Variants in PLCB1 observed in about 807,000 individuals in gnomAD.
PLCB1 encodes 1-phosphatidylinositol 4,5-bisphosphate phosphodiesterase beta-1.
PLCB1 carries 46 observed loss-of-function variants against 161.8 expected under a neutral mutation model. The ratio of observed to expected loss-of-function variants is 0.28; its 90% CI spans 0.22 to 0.36. PLCB1 has a LOEUF of 0.36. PLCB1 is among the 10% of genes least tolerant of loss of function. PLCB1 has a pLI of 1.00. For synonymous variants in PLCB1, 517 were observed against 503.7 expected (o/e 1.03, Z -0.35); for missense variants, 1,016 against 1,472.5 (o/e 0.69, Z 5.07).
intron 3 of PLCB1, among the ~76,000 whole-genome samples, chr20:8,454,813 T>C (rs967666097): frequency 6.6e-6 from 1 of 152,208 alleles, no homozygotes; most frequent in African/African-American, 2.4e-5. Flanking sequence ...CTCTATAGTA[T>C]TTATCCCCAT....
chr20:8,858,653 C>A (rs1212000161), intron 31 of PLCB1, among the ~76,000 whole-genome samples: 1 of 152,024 alleles, frequency 6.6e-6, no homozygotes, highest in Non-Finnish European at 1.5e-5. Context: ...CAGCACTGAC[C>A]TTCACATGGC....
At chr20:8,673,873 T>C (rs116034602) in intron 9 of PLCB1, among the ~76,000 whole-genome samples, 2,868 of 152,306 alleles carry the variant, frequency 0.019, 73 homozygotes, top group African/African-American at 0.057. Context: ...AGAGAAACAC[T>C]GCCTGTCTGC....
chr20:8,240,960 G>A (rs1026801400), intron 2 of PLCB1, among the ~76,000 whole-genome samples: 4 of 151,974 alleles, frequency 2.6e-5, no homozygotes, highest in Non-Finnish European at 5.9e-5. Flanking sequence ...ACAAACAGAA[G>A]TATAATTGCC....
At chr20:8,455,328 CAAAA>C (rs1237714702) in intron 3 of PLCB1, among the ~76,000 whole-genome samples, 1 of 98,204 alleles carries the variant, frequency 1.0e-5, no homozygotes, top group Admixed American at 1.2e-4. Context: ...AACTCCATCA[CAAAA>C]AAAAAAAAAA....
chr20:8,356,343 C>T (rs1024539354), intron 2 of PLCB1, among the ~76,000 whole-genome samples: 1 of 152,092 alleles, frequency 6.6e-6, no homozygotes, highest in African/African-American at 2.4e-5. Context: ...ATGCAGATTG[C>T]TAGGTCCCAA....
At chr20:8,384,997 A>C (rs1052039437) in intron 3 of PLCB1, among the ~76,000 whole-genome samples, 2 of 152,126 alleles carry the variant, frequency 1.3e-5, no homozygotes, top group Non-Finnish European at 2.9e-5. Context: ...GGAGGGTCTT[A>C]CCCAGCTGGG....
intron 2 of PLCB1, among the ~76,000 whole-genome samples, chr20:8,192,676 T>C (rs1432976323): frequency 6.6e-6 from 1 of 151,932 alleles, no homozygotes; most frequent in Non-Finnish European, 1.5e-5. Flanking sequence ...CCAGTGTAAG[T>C]ATCTAAGGAT....
intron 31 of PLCB1, among the ~76,000 whole-genome samples, chr20:8,839,643 A>G (rs1370837130): frequency 6.6e-6 from 1 of 152,036 alleles, no homozygotes. Context: ...CAAAAATCAC[A>G]GGTAATAAAG....
intron 2 of PLCB1, among the ~76,000 whole-genome samples, chr20:8,302,002 C>A (rs561880966): frequency 2.6e-5 from 4 of 152,130 alleles, no homozygotes; most frequent in Non-Finnish European, 4.4e-5. Context: ...GAATTGATAT[C>A]GGCAACTAAC....
At chr20:8,542,184 G>A (rs1363894971) in intron 3 of PLCB1, among the ~76,000 whole-genome samples, 4 of 152,120 alleles carry the variant, frequency 2.6e-5, no homozygotes, top group African/African-American at 4.8e-5. Context: ...TCCGTGAACC[G>A]ATTTCCACGA....
At chr20:8,174,263 A>G (rs1361436539) in intron 2 of PLCB1, among the ~76,000 whole-genome samples, 10 of 152,336 alleles carry the variant, frequency 6.6e-5, no homozygotes, top group South Asian at 2.1e-4. Flanking sequence ...TGCATTAACT[A>G]CAGAGAAGTA....
intron 4 of PLCB1, among the ~76,000 whole-genome samples, chr20:8,629,871 TTCTTTCTCTC>T (rs1568536044): frequency 1.0e-5 from 1 of 95,910 alleles, no homozygotes; most frequent in African/African-American, 4.0e-5. Flanking sequence ...CTTTCTTTCT[TTCTTTCTCTC>T]TCTCTTTCTT....
At chr20:8,192,293 A>C (rs1301915947) in intron 2 of PLCB1, among the ~76,000 whole-genome samples, 2 of 151,990 alleles carry the variant, frequency 1.3e-5, no homozygotes, top group African/African-American at 4.8e-5. Flanking sequence ...TTCAAAGAAT[A>C]GTATTAAGTC....
At chr20:8,784,072 AAAAG>A (rs1411355358) in intron 27 of PLCB1, among the ~76,000 whole-genome samples, 2 of 152,218 alleles carry the variant, frequency 1.3e-5, no homozygotes, top group African/African-American at 2.4e-5. Context: ...TGTAGCATAA[AAAAG>A]AGATAAATTA....
rs1272000244 is a variant in PLCB1 at position 8,352,416 on chromosome 20, G to A, written c.178-18966G>A. Among the ~76,000 whole-genome samples the A allele has an allele frequency of 1.1e-4, 16 of 152,138 alleles. No individual in the cohort carries two copies. In the East Asian group the frequency reaches 1.4e-3, roughly 13 times the overall value. ...TGCTGTAATGGTAGTTACTATGCACGTATGAGGTACTATGCATTTATTAAT... is the reference window on the plus strand; with the variant it reads ...TGCTGTAATGGTAGTTACTATGCACATATGAGGTACTATGCATTTATTAAT... On this transcript the variant is annotated intron_variant, in intron 2 of 31. Coordinates refer to ENST00000338037, the MANE Select transcript of PLCB1 (RefSeq NM_015192.4).
intron 3 of PLCB1, among the ~76,000 whole-genome samples, chr20:8,468,431 A>G (rs993326398): frequency 2.0e-5 from 3 of 152,180 alleles, no homozygotes; most frequent in African/African-American, 7.2e-5. Flanking sequence ...ATTACAATCA[A>G]CATCTGAATG....
At chr20:8,579,799 G>C (rs1986777385) in intron 3 of PLCB1, among the ~76,000 whole-genome samples, 1 of 152,164 alleles carries the variant, frequency 6.6e-6, no homozygotes, top group African/African-American at 2.4e-5. Flanking sequence ...ATTATGTATG[G>C]AGGGAGCATG....
At chr20:8,277,962 T>G (rs919935311) in intron 2 of PLCB1, among the ~76,000 whole-genome samples, 1 of 152,030 alleles carries the variant, frequency 6.6e-6, no homozygotes, top group African/African-American at 2.4e-5. Flanking sequence ...AGTGTATGCT[T>G]TAACCCACCA....
At chr20:8,545,117 C>T (rs1195973727) in intron 3 of PLCB1, among the ~76,000 whole-genome samples, 1 of 152,068 alleles carries the variant, frequency 6.6e-6, no homozygotes, top group Non-Finnish European at 1.5e-5. Flanking sequence ...AAAATTAACG[C>T]AATGGAGTTA....
Sources: gnomAD v4.1 joint callset for allele counts (sites outside exome capture counted in the v4.1 genomes callset) on GRCh38, gnomAD v4.1.1 for gene constraint, MANE v1.5 for transcripts, NCBI Gene and HGNC (gene_info 2026-07-23, HGNC 2026-07-21) for gene names.